Variants in GON4L observed in about 807,000 individuals in gnomAD.
GON4L encodes GON-4-like protein.
GON4L carries 87 observed loss-of-function variants against 211.8 expected under a neutral mutation model. The observed-to-expected ratio is 0.41, with a 90% CI of 0.35 to 0.49. The LOEUF (loss-of-function observed/expected upper bound fraction) is 0.49. Among genes scored for constraint, GON4L ranks in the 20% least tolerant of loss-of-function variants. GON4L has a pLI of 0.15. For synonymous variants in GON4L, 875 were observed against 962.6 expected (o/e 0.91, Z 1.68); for missense variants, 2,155 against 2,659.5 (o/e 0.81, Z 4.17).
chr1:155,847,014 CA>C (rs998026163), intron 2 of GON4L, among the ~76,000 whole-genome samples: 1 of 151,468 alleles, frequency 6.6e-6, no homozygotes, highest in Non-Finnish European at 1.5e-5. Flanking sequence ...AACAAAAAAA[CA>C]AAAAAAACAC....
chr1:155,816,830 T>C (rs1281673331), intron 6 of GON4L, among the ~76,000 whole-genome samples: 1 of 149,812 alleles, frequency 6.7e-6, no homozygotes, highest in Non-Finnish European at 1.5e-5. Context: ...AAGTTTCATG[T>C]TGTCCACACT....
chr1:155,767,237 T>G (rs987820610), intron 20 of GON4L, 188 bp downstream of exon 20: 2 of 1,335,604 alleles, frequency 1.5e-6, no homozygotes, highest in African/African-American at 3.0e-5. Flanking sequence ...TTTTACCTAT[T>G]ATTTTGAAAA....
intron 12 of GON4L, among the ~76,000 whole-genome samples, chr1:155,786,982 C>T (rs899605357): frequency 2.0e-5 from 3 of 147,462 alleles, no homozygotes; most frequent in African/African-American, 8.0e-5. Context: ...AGTGCAGTGG[C>T]GCGATCTCAG....
intron 31 of GON4L, among the ~76,000 whole-genome samples, chr1:155,751,017 G>A (rs1231209397): frequency 1.3e-5 from 2 of 152,224 alleles, no homozygotes; most frequent in African/African-American, 2.4e-5. Context: ...ACCCACCTCG[G>A]CCTCCCAAAG....
chr1:155,767,126 C>T, intron 20 of GON4L: 4 of 668,346 alleles, frequency 6.0e-6, no homozygotes, highest in Non-Finnish European at 1.0e-5. Context: ...AGTCTCAAGG[C>T]ATCTTTCCAA....
At chr1:155,844,754 T>C (rs776656786) in intron 2 of GON4L, among the ~76,000 whole-genome samples, 6 of 151,972 alleles carry the variant, frequency 3.9e-5, no homozygotes, top group Non-Finnish European at 8.8e-5. Context: ...CGAGATCCTG[T>C]CTCAAAAAAC....
chr1:155,836,547 C>T (rs1422695790), intron 2 of GON4L, among the ~76,000 whole-genome samples: 1 of 152,178 alleles, frequency 6.6e-6, no homozygotes, highest in Non-Finnish European at 1.5e-5. Flanking sequence ...CACGCCTGGC[C>T]GATGTGGTGT....
At position 155,770,446 on chromosome 1, in the gene GON4L, C is replaced by T. The variant is rs189522761; in HGVS notation, c.2646+621G>A. Reference sequence around the variant, plus strand: ...TTGGAAGGCTAAAGTGGAAGGATCACTTGAACCCAGGAGTTTGAGGCTACA... The same window carrying T: ...TTGGAAGGCTAAAGTGGAAGGATCATTTGAACCCAGGAGTTTGAGGCTACA... On this transcript the variant is annotated intron_variant, in intron 19 of 31. Transcript: ENST00000368331. Among the ~76,000 whole-genome samples, 4 of 152,334 alleles carry T rather than the reference C, an allele frequency of 2.6e-5. No homozygotes were observed. The East Asian group carries it at 7.7e-4, about 29-fold the overall frequency.
chr1:155,763,402 C>T lies in GON4L; in HGVS notation c.4636G>A (p.Asp1546Asn). ...ESLQKEDEMT[D>N]EAVGDSAEKP... Reference sequence around the variant, plus strand: ...TCAGCAGAGTCTCCAACTGCTTCATCCGTCATTTCATCCTCTTTCTGCAGG... The same window carrying T: ...TCAGCAGAGTCTCCAACTGCTTCATTCGTCATTTCATCCTCTTTCTGCAGG... Residue 1546 changes from aspartate to asparagine, a missense_variant, in exon 22 of 32, where the codon GAT (aspartate) becomes AAT (asparagine). Around this residue, in one of 6 missense-constraint regions of GON4L, gnomAD observed 455 missense variants for 504.6 expected, o/e 0.90. Coordinates refer to ENST00000368331, the MANE Select transcript of GON4L (RefSeq NM_001282860.2). The T allele has an allele frequency of 6.2e-7, 1 of 1,604,344 alleles. No homozygotes were observed.
chr1:155,829,789 A>C (rs925707394), intron 2 of GON4L, among the ~76,000 whole-genome samples: 2 of 152,126 alleles, frequency 1.3e-5, no homozygotes, highest in Admixed American at 1.3e-4. Flanking sequence ...GCATATCTAT[A>C]AAGGAAGGTG....
chr1:155,757,108 A>G, intron 26 of GON4L, 31 bp from the exon 27 acceptor site: 1 of 1,613,832 alleles, frequency 6.2e-7, no homozygotes, highest in Non-Finnish European at 8.5e-7. Context: ...CTGAGCACAG[A>G]CACCAGGCCA....
chr1:155,856,946 A>G (rs1163889754), intron 1 of GON4L, among the ~76,000 whole-genome samples: 3 of 152,124 alleles, frequency 2.0e-5, no homozygotes, highest in Non-Finnish European at 4.4e-5. Context: ...AAACATTTTC[A>G]AAAGGGGTCC....
intron 11 of GON4L, among the ~76,000 whole-genome samples, chr1:155,798,043 T>C (rs898729069): frequency 3.3e-5 from 5 of 151,194 alleles, no homozygotes; most frequent in Non-Finnish European, 7.4e-5. Flanking sequence ...ATCACGCCAC[T>C]GCACTCCAGC....
At chr1:155,771,807 T>C (rs905762630) in intron 18 of GON4L, among the ~76,000 whole-genome samples, 19 of 152,176 alleles carry the variant, frequency 1.2e-4, no homozygotes, top group African/African-American at 4.6e-4. Context: ...CTAATTCTTG[T>C]ACAAGTTGGT....
chr1:155,785,492 CCTT>C (rs1237781686), intron 12 of GON4L, 118 bp from the exon 13 acceptor site: 9 of 794,212 alleles, frequency 1.1e-5, no homozygotes, highest in South Asian at 4.0e-5. Context: ...TCATATCTAT[CCTT>C]CTTTTTTTGA....
At chr1:155,820,040 A>T (rs1036494232) in intron 6 of GON4L, among the ~76,000 whole-genome samples, 4 of 152,100 alleles carry the variant, frequency 2.6e-5, no homozygotes, top group African/African-American at 9.7e-5. Flanking sequence ...CAGCCTCCCA[A>T]GCAGCTGGGA....
At chr1:155,842,060 G>C (rs2102418081) in intron 2 of GON4L, among the ~76,000 whole-genome samples, 1 of 151,726 alleles carries the variant, frequency 6.6e-6, no homozygotes, top group African/African-American at 2.4e-5. Context: ...AACTAATTCA[G>C]GCCATGACAA....
chr1:155,830,299 C>T (rs746122822), intron 2 of GON4L, among the ~76,000 whole-genome samples: 8 of 149,416 alleles, frequency 5.4e-5, no homozygotes, highest in Non-Finnish European at 8.9e-5. Context: ...TTTCTTGAGA[C>T]GGAGTTCCAT....
chr1:155,756,848 G>C (rs957133860), intron 27 of GON4L, 110 bp downstream of exon 27: 5 of 760,398 alleles, frequency 6.6e-6, no homozygotes, highest in East Asian at 2.7e-5. Context: ...AGAATCGCTT[G>C]AATCTGGGAG....
Sources: allele counts gnomAD v4.1 joint callset (sites outside exome capture counted in the v4.1 genomes callset), GRCh38; gene constraint gnomAD v4.1.1; regional missense constraint gnomAD v4.1.1; transcripts MANE v1.5; gene names NCBI Gene and HGNC (gene_info 2026-07-23, HGNC 2026-07-21).